ST6GALNAC3: variants seen among roughly 807,000 people sequenced by gnomAD.
The protein encoded by ST6GALNAC3 is ST6 N-acetylgalactosaminide alpha-2,6-sialyltransferase 3, also known as alpha-N-acetylgalactosaminide alpha-2,6-sialyltransferase 3.
ST6GALNAC3 carries 25 observed loss-of-function variants against 32.7 expected under a neutral mutation model. The ratio of observed to expected loss-of-function variants is 0.76; its 90% confidence interval spans 0.56 to 1.07. ST6GALNAC3 has a LOEUF of 1.07. Ranked by LOEUF, ST6GALNAC3 falls within the 50% of genes least tolerant of loss-of-function variation. The pLI is 0.00. For synonymous variants in ST6GALNAC3, 129 were observed against 133.1 expected, an observed-to-expected ratio of 0.97 and a Z score of 0.21; for missense variants, 355 against 382.4, an observed-to-expected ratio of 0.93 and a Z score of 0.60.
intron 1 of ST6GALNAC3, among the ~76,000 whole-genome samples, chr1:76,258,851 G>C (rs555221986): frequency 3.9e-5 from 6 of 152,198 alleles, no homozygotes; most frequent in Non-Finnish European, 7.4e-5. Context: ...GAAATCACCA[G>C]GTTACATGGC....
chr1:76,436,625 A>G (rs1656163507), intron 3 of ST6GALNAC3, among the ~76,000 whole-genome samples: 1 of 152,168 alleles, frequency 6.6e-6, no homozygotes, highest in Non-Finnish European at 1.5e-5. Context: ...GCATTTAATG[A>G]ATCCTTAGTT....
intron 1 of ST6GALNAC3, among the ~76,000 whole-genome samples, chr1:76,127,408 C>G (rs112246200): frequency 2.7e-3 from 410 of 152,226 alleles, no homozygotes; most frequent in Middle Eastern, 0.017. Flanking sequence ...GGAAGCATGG[C>G]AAGAACTGTG....
chr1:76,164,938 T>C (rs920491462), intron 1 of ST6GALNAC3, among the ~76,000 whole-genome samples: 1 of 152,178 alleles, frequency 6.6e-6, no homozygotes, highest in Non-Finnish European at 1.5e-5. Flanking sequence ...AAAATGTGTG[T>C]GTGTGTTTTT....
At chr1:76,591,527 G>T (rs2100587212) in intron 3 of ST6GALNAC3, among the ~76,000 whole-genome samples, 1 of 152,166 alleles carries the variant, frequency 6.6e-6, no homozygotes, top group African/African-American at 2.4e-5. Flanking sequence ...CATTCATTCA[G>T]AAAATATTTA....
chr1:76,466,257 A>G (rs531491733), intron 3 of ST6GALNAC3, among the ~76,000 whole-genome samples: 2 of 152,156 alleles, frequency 1.3e-5, no homozygotes, highest in African/African-American at 2.4e-5. Flanking sequence ...AGCTCCCCAG[A>G]TAATCTTTTA....
At chr1:76,139,655 C>T (rs1267772941) in intron 1 of ST6GALNAC3, among the ~76,000 whole-genome samples, 4 of 152,104 alleles carry the variant, frequency 2.6e-5, no homozygotes, top group Admixed American at 6.6e-5. Context: ...TAATCTTTCC[C>T]GAAGAAGTTC....
Position 76,185,390 on chromosome 1 carries a change from C to T in ST6GALNAC3, c.18+110506C>T, listed in dbSNP as rs1020404387. On this transcript the variant is annotated intron_variant, in intron 1 of 4. Transcript: ENST00000328299. ...ACATTATGTTTAATGTGACATAATACGAGCTCCAGATGAGGAGACCTTTTC... is the reference window on the plus strand; with the variant it reads ...ACATTATGTTTAATGTGACATAATATGAGCTCCAGATGAGGAGACCTTTTC... Among the ~76,000 whole-genome samples, 9 of 152,242 alleles carry T rather than the reference C, an allele frequency of 5.9e-5. No individual in the cohort carries two copies. In the South Asian group the frequency reaches 6.2e-4, roughly 11 times the overall value.
intron 3 of ST6GALNAC3, among the ~76,000 whole-genome samples, chr1:76,517,041 TAA>T (rs1258315690): frequency 6.6e-6 from 1 of 151,988 alleles, no homozygotes; most frequent in African/African-American, 2.4e-5. Context: ...AGATTCCAAT[TAA>T]TTATGGCATA....
chr1:76,240,262 C>T (rs941016593), intron 1 of ST6GALNAC3, among the ~76,000 whole-genome samples: 2 of 152,134 alleles, frequency 1.3e-5, no homozygotes, highest in East Asian at 1.9e-4. Context: ...TGATGTTTTA[C>T]GTAGAACTGC....
At chr1:76,475,107 G>A (rs1483564957) in intron 3 of ST6GALNAC3, among the ~76,000 whole-genome samples, 1 of 152,126 alleles carries the variant, frequency 6.6e-6, no homozygotes, top group Non-Finnish European at 1.5e-5. Flanking sequence ...AGGTGGCGAG[G>A]TTTCACCTGG....
At chr1:76,187,433 G>A (rs1653625918) in intron 1 of ST6GALNAC3, among the ~76,000 whole-genome samples, 1 of 152,144 alleles carries the variant, frequency 6.6e-6, no homozygotes. Context: ...GTACCCTCCA[G>A]ATAAAGTAAT....
At chr1:76,239,616 G>A (rs1009536986) in intron 1 of ST6GALNAC3, among the ~76,000 whole-genome samples, 1 of 152,040 alleles carries the variant, frequency 6.6e-6, no homozygotes, top group Admixed American at 6.6e-5. Context: ...AACAGAGCAG[G>A]AACTCACTCA....
Position 76,312,953 on chromosome 1 carries a change from A to G in ST6GALNAC3, c.19-852A>G, listed in dbSNP as rs192046556. On this transcript the variant is annotated intron_variant, in intron 1 of 4. Coordinates refer to ENST00000328299, the MANE Select transcript of ST6GALNAC3 (RefSeq NM_152996.4). The stretch of plus-strand genomic sequence containing the variant: ...TTTTATCAAGCTCAATTTCAAAGAC[A>G]TCTTTGCTTTCTCTCTTCTCAATCG... 4.0e-4 allele frequency among the ~76,000 whole-genome samples: 61 copies of G among 152,286 alleles called. No individual in the cohort carries two copies. In the East Asian group the frequency reaches 6.8e-3, roughly 17 times the overall value.
At chr1:76,635,752 C>T (rs1286123731), downstream of ST6GALNAC3, among the ~76,000 whole-genome samples, 1 of 152,142 alleles carries the variant, frequency 6.6e-6, no homozygotes, top group Non-Finnish European at 1.5e-5. Flanking sequence ...GCTTTGCCCT[C>T]CTTGAGGTCC....
intron 2 of ST6GALNAC3, among the ~76,000 whole-genome samples, chr1:76,405,976 T>C (rs1189644574): frequency 1.3e-5 from 2 of 152,176 alleles, no homozygotes; most frequent in South Asian, 2.1e-4. Flanking sequence ...TCAGAGAACA[T>C]AGGACCTTCA....
intron 1 of ST6GALNAC3, among the ~76,000 whole-genome samples, chr1:76,098,616 G>C (rs965356774): frequency 3.9e-5 from 6 of 151,924 alleles, no homozygotes; most frequent in African/African-American, 1.5e-4. Context: ...TTAAAAAAAT[G>C]GGTTCTCTTT....
intron 2 of ST6GALNAC3, among the ~76,000 whole-genome samples, chr1:76,339,744 G>A (rs1283652371): frequency 3.3e-5 from 5 of 152,012 alleles, no homozygotes; most frequent in Non-Finnish European, 5.9e-5. Flanking sequence ...CAGAGACCAA[G>A]CAACTCCTCT....
chr1:76,565,941 AT>A (rs2100459089), intron 3 of ST6GALNAC3, among the ~76,000 whole-genome samples: 1 of 152,318 alleles, frequency 6.6e-6, no homozygotes, highest in African/African-American at 2.4e-5. Context: ...CAGATTTTTT[AT>A]TGTGAGCAGT....
intron 1 of ST6GALNAC3, among the ~76,000 whole-genome samples, chr1:76,245,725 T>C (rs1657220781): frequency 6.6e-6 from 1 of 152,090 alleles, no homozygotes; most frequent in Admixed American, 6.6e-5. Context: ...TCACTTTCCA[T>C]GTAGTTGTGC....
Sources: allele counts gnomAD v4.1 joint callset (sites outside exome capture counted in the v4.1 genomes callset), GRCh38; gene constraint gnomAD v4.1.1; transcripts MANE v1.5; gene names NCBI Gene and HGNC (gene_info 2026-07-23, HGNC 2026-07-21).